Variants in ZBTB5 observed in about 807,000 individuals in gnomAD.
ZBTB5 encodes zinc finger and BTB domain containing 5.
ZBTB5 carries 15 observed loss-of-function variants against 37.9 expected under a neutral mutation model. The ratio of observed to expected loss-of-function variants is 0.40; its 90% CI spans 0.26 to 0.61. ZBTB5 has a LOEUF of 0.61. Among genes scored for constraint, ZBTB5 ranks in the 20% least tolerant of loss-of-function variants. ZBTB5 has a pLI of 0.47. For synonymous variants in ZBTB5, 315 were observed against 312.4 expected, an observed-to-expected ratio of 1.01 and a Z score of -0.09; for missense variants, 708 against 856.8, an observed-to-expected ratio of 0.83 and a Z score of 2.17.
chr9:37,443,379 T>C (rs1410155256), intron 1 of ZBTB5, among the ~76,000 whole-genome samples: 2 of 150,164 alleles, frequency 1.3e-5, no homozygotes, highest in African/African-American at 2.5e-5. Flanking sequence ...TTTAAAGGTG[T>C]AAACCCACAA....
chr9:37,464,726 G>A (rs1363830170), intron 1 of ZBTB5, among the ~76,000 whole-genome samples: 1 of 152,234 alleles, frequency 6.6e-6, no homozygotes, highest in African/African-American at 2.4e-5. Flanking sequence ...ACAAGTTGGG[G>A]CATTCCGAAA....
In ZBTB5 at chr9:37,451,284, T is replaced by C. The variant is rs1824098333; in HGVS notation, c.-4-8729A>G. ...TACTGATTCGTTAAATGATGTTCAC[T>C]GGCTAGGCACGGTGGCTCACGACTA... is the stretch of plus-strand genomic sequence containing the variant. On this transcript the variant is annotated intron_variant, in intron 1 of 1. Coordinates refer to ENST00000307750, the MANE Select transcript of ZBTB5 (RefSeq NM_014872.3). 2.0e-5 allele frequency among the ~76,000 whole-genome samples: 3 copies of C among 152,072 alleles called. 1 individual carries two copies. The highest frequency in any genetic ancestry group is 7.2e-5 in the African/African-American group (3 of 41,426).
Position 37,441,720 on chromosome 9 carries a change from TATC to T in ZBTB5, c.829_831del (p.Asp277del). The T allele has an allele frequency of 1.2e-6, 2 of 1,613,976 alleles. No individual in the cohort carries two copies. Among genetic ancestry groups the T allele is most frequent in the African/African-American group, 2.7e-5 (2 of 74,954 alleles). Reference sequence around the variant, plus strand: ...AACTGTGCCATGTTGCCAGCACTGTTATCAGACTGGCTGGGCACCTGGGCATCT... The same window carrying T: ...AACTGTGCCATGTTGCCAGCACTGTTAGACTGGCTGGGCACCTGGGCATCT... On this transcript the variant is annotated inframe_deletion, in exon 2 of 2. Transcript: ENST00000307750.
At chr9:37,452,765 C>A (rs546043693) in intron 1 of ZBTB5, among the ~76,000 whole-genome samples, 24 of 152,194 alleles carry the variant, frequency 1.6e-4, no homozygotes, top group Non-Finnish European at 3.4e-4. Flanking sequence ...CATAGCCCTG[C>A]AGTCACTCAG....
intron 1 of ZBTB5, among the ~76,000 whole-genome samples, chr9:37,446,327 CA>C (rs1231350511): frequency 6.6e-6 from 1 of 152,126 alleles, no homozygotes; most frequent in Non-Finnish European, 1.5e-5. Context: ...CCTTACAGGC[CA>C]AAGTTGGTCA....
rs1454383737 is a variant in ZBTB5 at position 37,441,244 on chromosome 9, A to G, written c.1308T>C (p.Ser436=). The G allele has an allele frequency of 6.2e-7, 1 of 1,614,080 alleles. No homozygotes were observed. The highest frequency in any genetic ancestry group is 2.2e-5 in the East Asian group (1 of 44,900). Reference sequence around the variant, plus strand: ...GGGCCTCACTCTCCAGCCTGCAGTCACTAGTGGTGTTTGGAATATTATCAT... The same window carrying G: ...GGGCCTCACTCTCCAGCCTGCAGTCGCTAGTGGTGTTTGGAATATTATCAT... The part of the protein sequence containing the change: ...NNDDNIPNTT[S]DCRLESEAPY... The change falls in exon 2 of 2, where the codon AGT becomes AGC. Residue 436 remains serine, a synonymous_variant. Transcript: ENST00000307750.
chr9:37,448,484 C>T (rs1339511005), intron 1 of ZBTB5, among the ~76,000 whole-genome samples: 2 of 152,158 alleles, frequency 1.3e-5, no homozygotes, highest in South Asian at 2.1e-4. Context: ...ACAAATAGGG[C>T]CCCTCTACAT....
intron 1 of ZBTB5, among the ~76,000 whole-genome samples, chr9:37,462,675 C>T (rs1221045265): frequency 2.6e-5 from 4 of 151,772 alleles, no homozygotes; most frequent in African/African-American, 9.7e-5. Flanking sequence ...GCGATTCTTC[C>T]GCCTCGGCCT....
rs762107962 is a variant in ZBTB5 at position 37,441,383 on chromosome 9, C to T, written c.1169G>A (p.Gly390Asp). The T allele has an allele frequency of 6.2e-7, 1 of 1,614,054 alleles. No individual in the cohort carries two copies. Among genetic ancestry groups the T allele is most frequent in the Non-Finnish European group, 8.5e-7 (1 of 1,180,020 alleles). ...TGTGACTTCCAAAATATGGATATCA[C>T]CTACCCTGTCTGTGCTAGACTGGGG... is the stretch of plus-strand genomic sequence containing the variant. ...SDPQSSTDRV[G>D]DIHILEVTNN... is the part of the protein sequence containing the mutation. Residue 390 changes from glycine (G) to aspartate (D), a missense_variant, in exon 2 of 2, where the codon GGT becomes GAT. Gly to Asp is a moderately conservative substitution (Grantham distance 94). This residue lies in a region of ZBTB5 where 639 missense variants were observed against 690.5 expected (regional missense o/e 0.93). Transcript: ENST00000307750.
chr9:37,459,163 A>C (rs1824243141), intron 1 of ZBTB5, among the ~76,000 whole-genome samples: 1 of 152,204 alleles, frequency 6.6e-6, no homozygotes, highest in South Asian at 2.1e-4. Flanking sequence ...AAAAATGTAA[A>C]ACAGGGCATG....
At chr9:37,443,509 A>C (rs758832133) in intron 1 of ZBTB5, among the ~76,000 whole-genome samples, 36 of 152,188 alleles carry the variant, frequency 2.4e-4, no homozygotes, top group Admixed American at 4.6e-4. Flanking sequence ...CGGATAAAAC[A>C]ACCTAACATA....
At chr9:37,460,253 C>T (rs1186103503) in intron 1 of ZBTB5, among the ~76,000 whole-genome samples, 1 of 151,712 alleles carries the variant, frequency 6.6e-6, no homozygotes, top group African/African-American at 2.4e-5. Flanking sequence ...GCCTGACCAA[C>T]ATGGAGAAAC....
At position 37,442,221 on chromosome 9, in the gene ZBTB5, C is replaced by T. The variant is rs1276485779; in HGVS notation, c.331G>A (p.Val111Ile). Residue 111 changes from valine to isoleucine, a missense_variant, in exon 2 of 2, where the codon GTT becomes ATT. Physicochemically the swap from Val to Ile is conservative, Grantham distance 29 (BLOSUM62 3). Transcript: ENST00000307750. ...LAASHLHLNSVVKACKHYLTT... is the reference protein window; with the variant it reads ...LAASHLHLNSIVKACKHYLTT... Reference sequence around the variant, plus strand: ...AAGTAATGTTTACATGCCTTAACAACAGAGTTCAAATGCAGGTGAGAGGCT... The same window carrying T: ...AAGTAATGTTTACATGCCTTAACAATAGAGTTCAAATGCAGGTGAGAGGCT... 6.2e-7 allele frequency: 1 copy of T among 1,614,224 alleles called. No individual in the cohort carries two copies. Among genetic ancestry groups the T allele is most frequent in the East Asian group, 2.2e-5 (1 of 44,892 alleles).
rs1316147487 is a variant in ZBTB5 at position 37,441,519 on chromosome 9, C to T, written c.1033G>A (p.Asp345Asn). 1.2e-6 allele frequency: 2 copies of T among 1,613,016 alleles called. No homozygotes were observed. The highest frequency in any genetic ancestry group is 1.1e-5 in the South Asian group (1 of 91,006). Residue 345 changes from aspartate to asparagine, a missense_variant, in exon 2 of 2, where the codon GAT (aspartate) becomes AAT (asparagine). Asp to Asn is a conservative substitution (Grantham distance 23, BLOSUM62 1). Transcript: ENST00000307750. Reference sequence around the variant, plus strand: ...CTGCCTTCTGCTTGTGAGGTCACATCGCTCACTTCATCCTGAGGCTCAGGT... The same window carrying T: ...CTGCCTTCTGCTTGTGAGGTCACATTGCTCACTTCATCCTGAGGCTCAGGT... ...SSPEPQDEVS[D>N]VTSQAEGSES...
rs146384280 is a variant in ZBTB5 at position 37,449,782 on chromosome 9, G to A, written c.-4-7227C>T. Among the ~76,000 whole-genome samples, 21 of 151,528 alleles carry A rather than the reference G, an allele frequency of 1.4e-4. No homozygotes were observed. The East Asian group carries it at 3.3e-3, about 24-fold the overall frequency. On this transcript the variant is annotated intron_variant, in intron 1 of 1. Transcript: ENST00000307750. ...AGATAGTGAGGGTAAGCCAGCCCTC[G>A]GTAAGGTTTTCCTTTTAATAAAAAG...
chr9:37,442,511 A>C lies in ZBTB5; in HGVS notation c.41T>G (p.Leu14Arg). ...PGHFEQIFQQ[L>R]NYQRLHGQLC... ...CTGGCCATGAAGTCTCTGGTAGTTCAGCTGCTGGAAGATTTGTTCAAAGTG... is the reference window on the plus strand; with the variant it reads ...CTGGCCATGAAGTCTCTGGTAGTTCCGCTGCTGGAAGATTTGTTCAAAGTG... Residue 14 changes from leucine (L) to arginine (R), a missense_variant, in exon 2 of 2, where the codon CTG becomes CGG. Around this residue, in one of 3 missense-constraint regions of ZBTB5, gnomAD observed 27 missense variants for 58.4 expected, o/e 0.46. Coordinates refer to ENST00000307750, the MANE Select transcript of ZBTB5 (RefSeq NM_014872.3). 2 of 1,607,808 alleles carry C rather than the reference A, an allele frequency of 1.2e-6. No individual in the cohort carries two copies. Among genetic ancestry groups the C allele is most frequent in the Non-Finnish European group, 1.7e-6 (2 of 1,175,102 alleles).
Position 37,441,549 on chromosome 9 carries a change from T to A in ZBTB5, c.1003A>T (p.Ser335Cys). 6.2e-7 allele frequency: 1 copy of A among 1,612,816 alleles called. No individual in the cohort carries two copies. Among genetic ancestry groups the A allele is most frequent in the Non-Finnish European group, 8.5e-7 (1 of 1,179,882 alleles). The change falls in exon 2 of 2, where the codon AGC becomes TGC. Residue 335 changes from serine to cysteine, a missense_variant. Coordinates refer to ENST00000307750, the MANE Select transcript of ZBTB5 (RefSeq NM_014872.3). ...MRVVVKSEPL[S>C]SPEPQDEVSD... ...ACTTCATCCTGAGGCTCAGGTGAGC[T>A]CAGGGGCTCAGATTTAACCACCACT...
rs189447828 is a variant in ZBTB5 at position 37,441,609 on chromosome 9, G to C, written c.943C>G (p.Pro315Ala). ...TCCTTCTCACCAAGGCCAACCTCAGGGTTTTCACACTGAAAACTACTTTTC... is the reference window on the plus strand; with the variant it reads ...TCCTTCTCACCAAGGCCAACCTCAGCGTTTTCACACTGAAAACTACTTTTC... ...PEKSSFQCEN[P>A]EVGLGEKEHM... Residue 315 changes from proline (P) to alanine (A), a missense_variant, in exon 2 of 2, where the codon CCT (proline) becomes GCT (alanine). By Grantham distance (27) the Pro-to-Ala change is conservative (BLOSUM62 -1). Around this residue, in one of 3 missense-constraint regions of ZBTB5, gnomAD observed 639 missense variants for 690.5 expected, o/e 0.93. Coordinates refer to ENST00000307750, the MANE Select transcript of ZBTB5 (RefSeq NM_014872.3). 2 of 1,612,838 alleles carry C rather than the reference G, an allele frequency of 1.2e-6. No homozygotes were observed. Among genetic ancestry groups the C allele is most frequent in the South Asian group, 1.1e-5 (1 of 91,020 alleles).
intron 1 of ZBTB5, among the ~76,000 whole-genome samples, chr9:37,447,350 T>C (rs1339423427): frequency 6.6e-5 from 10 of 152,142 alleles, no homozygotes; most frequent in Admixed American, 6.5e-4. Context: ...GGGATTCAAT[T>C]TGAGATGAGA....
Sources: gnomAD v4.1 joint callset for allele counts (sites outside exome capture counted in the v4.1 genomes callset) on GRCh38, gnomAD v4.1.1 for gene constraint, gnomAD v4.1.1 regional missense constraint, MANE v1.5 for transcripts, NCBI Gene and HGNC (gene_info 2026-07-23, HGNC 2026-07-21) for gene names.